Variants in CACNA1E observed in about 807,000 individuals in gnomAD.
The protein encoded by CACNA1E is voltage-dependent R-type calcium channel subunit alpha-1E.
CACNA1E carries 40 observed loss-of-function variants against 259.2 expected under a neutral mutation model. That is an observed-to-expected ratio of 0.15 (90% confidence interval 0.12 to 0.20). The LOEUF is 0.20. Ranked by LOEUF, CACNA1E falls within the 10% of genes least tolerant of loss-of-function variation. The pLI, the probability that CACNA1E is intolerant of heterozygous loss-of-function variation, is 1.00. For synonymous variants in CACNA1E, 1,104 were observed against 1,138.5 expected, an observed-to-expected ratio of 0.97 and a Z score of 0.61; for missense variants, 1,874 against 3,040.1, an observed-to-expected ratio of 0.62 and a Z score of 9.02.
At chr1:181,521,415 G>C (rs542261999) in intron 3 of CACNA1E, among the ~76,000 whole-genome samples, 2 of 152,276 alleles carry the variant, frequency 1.3e-5, no homozygotes, top group South Asian at 4.1e-4. Flanking sequence ...TCAAAACTCT[G>C]GGTGAGGGAG....
chr1:181,354,675 G>C lies in CACNA1E; in HGVS notation c.-15+36552G>C, dbSNP rs181491871. ...GCAGGTCTTGCTACAGTTCCCACCC[G>C]CAGAGTAGTTTTCATGGAGGGAGAC... On this transcript the variant is annotated intron_variant, in intron 1 of 11. Coordinates refer to the CACNA1E transcript ENST00000524607. Among the ~76,000 whole-genome samples the C allele has an allele frequency of 3.5e-3, 529 of 152,228 alleles. 15 individuals are homozygous for C. The South Asian group carries it at 0.067, about 19-fold the overall frequency.
At chr1:181,655,005 A>G (rs1488233057) in intron 7 of CACNA1E, among the ~76,000 whole-genome samples, 2 of 148,528 alleles carry the variant, frequency 1.3e-5, no homozygotes, top group African/African-American at 5.0e-5. Context: ...AAAAAAAAAG[A>G]AACATAAGAT....
Position 181,801,972 on chromosome 1 carries a change from C to A in CACNA1E, c.*3138C>A, listed in dbSNP as rs1220573302. 6.8e-6 allele frequency: 1 copy of A among 147,718 alleles called. No homozygotes were observed. The highest frequency in any genetic ancestry group is 1.5e-5 in the Non-Finnish European group (1 of 65,654). 9.2% of individuals were successfully genotyped at this position (147,718 alleles called of 1,614,324 possible). On this transcript the variant is annotated 3_prime_UTR_variant, in exon 48 of 48. Transcript: ENST00000367573. Reference sequence around the variant, plus strand: ...CTAAGTAGGTTTGCATTTAGTTACCCCTCATTTCACTTAAGGCTCCAGACA... The same window carrying A: ...CTAAGTAGGTTTGCATTTAGTTACCACTCATTTCACTTAAGGCTCCAGACA...
rs549611077 is a variant in CACNA1E at position 181,402,137 on chromosome 1, T to G, written c.-14-10996T>G. 1.3e-4 allele frequency among the ~76,000 whole-genome samples: 20 copies of G among 152,376 alleles called. 1 individual carries two copies. The South Asian group carries it at 3.9e-3, about 30-fold the overall frequency. On this transcript the variant is annotated intron_variant, in intron 1 of 11. Transcript: ENST00000524607. The stretch of plus-strand genomic sequence containing the variant: ...AGGTATACTAATTTTTATAACCAGA[T>G]GAGATATTTCTTATATATAAATTTG...
At chr1:181,602,827 A>G (rs1346451134) in intron 6 of CACNA1E, among the ~76,000 whole-genome samples, 1 of 152,226 alleles carries the variant, frequency 6.6e-6, no homozygotes. Flanking sequence ...TTAGGGTTAG[A>G]TGAATCCACA....
intron 6 of CACNA1E, among the ~76,000 whole-genome samples, chr1:181,584,636 A>T (rs1651874464): frequency 6.6e-6 from 1 of 152,214 alleles, no homozygotes; most frequent in Admixed American, 6.5e-5. Context: ...GAGGCATAAC[A>T]TCCATCTCGC....
intron 6 of CACNA1E, among the ~76,000 whole-genome samples, chr1:181,636,314 C>A (rs1657206830): frequency 6.6e-6 from 1 of 152,180 alleles, no homozygotes; most frequent in African/African-American, 2.4e-5. Flanking sequence ...GCCTCAGTTT[C>A]CTCATCAGAG....
chr1:181,742,370 T>C (rs2102609867), intron 25 of CACNA1E, among the ~76,000 whole-genome samples: 1 of 152,332 alleles, frequency 6.6e-6, no homozygotes, highest in East Asian at 1.9e-4. Context: ...TGCAGGCTTG[T>C]CAAGTATCTC....
intron 1 of CACNA1E, among the ~76,000 whole-genome samples, chr1:181,335,746 T>C (rs1651659671): frequency 6.6e-6 from 1 of 152,184 alleles, no homozygotes; most frequent in Non-Finnish European, 1.5e-5. Flanking sequence ...AATTTTGAAC[T>C]TGAATTCACA....
At chr1:181,433,437 T>C (rs1400910956) in intron 2 of CACNA1E, among the ~76,000 whole-genome samples, 1 of 152,236 alleles carries the variant, frequency 6.6e-6, no homozygotes, top group Non-Finnish European at 1.5e-5. Flanking sequence ...GGCCATTTCA[T>C]GTTCTCTTAA....
intron 7 of CACNA1E, among the ~76,000 whole-genome samples, chr1:181,671,389 C>G (rs1648779340): frequency 6.6e-6 from 1 of 152,242 alleles, no homozygotes; most frequent in African/African-American, 2.4e-5. Context: ...CAAGAAGATG[C>G]AGTCCCTTGC....
intron 1 of CACNA1E, among the ~76,000 whole-genome samples, chr1:181,333,093 C>A (rs372823719): frequency 6.6e-6 from 1 of 152,186 alleles, no homozygotes; most frequent in Non-Finnish European, 1.5e-5. Flanking sequence ...GCTACCTACA[C>A]CTTGAAGGAA....
At chr1:181,565,976 G>A (rs1408022514) in intron 3 of CACNA1E, among the ~76,000 whole-genome samples, 2 of 152,176 alleles carry the variant, frequency 1.3e-5, no homozygotes, top group African/African-American at 4.8e-5. Context: ...ATGTATTTAT[G>A]TAGATGATTT....
At chr1:181,564,462 A>G (rs1649623787) in intron 3 of CACNA1E, among the ~76,000 whole-genome samples, 1 of 152,304 alleles carries the variant, frequency 6.6e-6, no homozygotes, top group African/African-American at 2.4e-5. Context: ...TTCAGGATCC[A>G]TTTCTGATTC....
intron 1 of CACNA1E, among the ~76,000 whole-genome samples, chr1:181,494,848 A>G (rs145405950): frequency 6.6e-6 from 1 of 152,324 alleles, no homozygotes; most frequent in East Asian, 1.9e-4. Flanking sequence ...TAAAAAATAT[A>G]TTTAGAATCA....
intron 3 of CACNA1E, among the ~76,000 whole-genome samples, chr1:181,546,593 T>C (rs566400041): frequency 3.3e-5 from 5 of 152,184 alleles, no homozygotes; most frequent in Non-Finnish European, 7.3e-5. Flanking sequence ...TGTTTGGGGC[T>C]AGGGTGGAAG....
chr1:181,574,224 C>A (rs139595292), intron 3 of CACNA1E, among the ~76,000 whole-genome samples: 35 of 152,260 alleles, frequency 2.3e-4, no homozygotes, highest in African/African-American at 7.5e-4. Context: ...GTGCAGCAAA[C>A]CACCATGGCA....
intron 1 of CACNA1E, among the ~76,000 whole-genome samples, chr1:181,398,992 C>T (rs1656890991): frequency 6.6e-6 from 1 of 152,190 alleles, no homozygotes; most frequent in Non-Finnish European, 1.5e-5. Flanking sequence ...TCTGTCTACA[C>T]TATGAGGACA....
chr1:181,551,718 C>T (rs1286211311), intron 3 of CACNA1E, among the ~76,000 whole-genome samples: 1 of 152,110 alleles, frequency 6.6e-6, no homozygotes, highest in Non-Finnish European at 1.5e-5. Flanking sequence ...TTCATCAACA[C>T]CTTCAACAAC....
Sources: gnomAD v4.1 joint callset for allele counts (sites outside exome capture counted in the v4.1 genomes callset) on GRCh38, gnomAD v4.1.1 for gene constraint, MANE v1.5 for transcripts, NCBI Gene and HGNC (gene_info 2026-07-23, HGNC 2026-07-21) for gene names.